The following SPECC1 variants were observed in gnomAD, a reference collection of about 807,000 sequenced individuals.
SPECC1 encodes sperm antigen with calponin homology and coiled-coil domains 1.
In SPECC1, 62 loss-of-function variants were observed where a neutral mutation model predicts 104.1. The ratio of observed to expected loss-of-function variants is 0.60; its 90% CI spans 0.49 to 0.74. SPECC1 has a LOEUF of 0.74. Ranked by LOEUF, SPECC1 falls within the 30% of genes least tolerant of loss-of-function variation. SPECC1 has a pLI of 0.00. For missense variants in SPECC1, 1,306 were observed against 1,310.5 expected (o/e 1.00, Z 0.05); for synonymous variants, 513 against 501.6 (o/e 1.02, Z -0.30).
At chr17:20,125,181 A>G (rs1250279268) in intron 3 of SPECC1, among the ~76,000 whole-genome samples, 2 of 114,942 alleles carry the variant, frequency 1.7e-5, no homozygotes, top group Non-Finnish European at 3.8e-5. Context: ...CTCCATCTCA[A>G]AAAACAAAAA....
intron 1 of SPECC1, among the ~76,000 whole-genome samples, chr17:20,046,999 C>T (rs1034090388): frequency 2.0e-5 from 3 of 152,226 alleles, no homozygotes; most frequent in Admixed American, 2.0e-4. Flanking sequence ...AAGGTGCTGA[C>T]TATTGCAGGA....
chr17:20,176,227 C>A (rs1024824797), intron 3 of SPECC1, among the ~76,000 whole-genome samples: 1 of 152,172 alleles, frequency 6.6e-6, no homozygotes, highest in African/African-American at 2.4e-5. Context: ...TTAATAAGTT[C>A]TCAATGAATG....
chr17:20,020,260 G>C (rs1313394657), intron 1 of SPECC1, among the ~76,000 whole-genome samples: 1 of 152,188 alleles, frequency 6.6e-6, no homozygotes, highest in Non-Finnish European at 1.5e-5. Context: ...GGCTTAGATT[G>C]TCAAATCATC....
At chr17:20,244,271 C>T (rs1333219735) in intron 7 of SPECC1, among the ~76,000 whole-genome samples, 1 of 152,148 alleles carries the variant, frequency 6.6e-6, no homozygotes, top group Non-Finnish European at 1.5e-5. Context: ...TGATGACCTT[C>T]ATGAGAATGG....
intron 1 of SPECC1, among the ~76,000 whole-genome samples, chr17:20,078,670 AAAAC>A (rs1193942446): frequency 1.3e-5 from 2 of 152,232 alleles, no homozygotes; most frequent in African/African-American, 4.8e-5. Flanking sequence ...TTGTCTTAGA[AAAAC>A]ACTGTACATG....
At position 20,096,724 on chromosome 17, in the gene SPECC1, C is replaced by G. The variant is rs773646963; in HGVS notation, c.73C>G (p.Leu25Val). The G allele has an allele frequency of 1.2e-6, 2 of 1,614,254 alleles. No individual in the cohort carries two copies. Among genetic ancestry groups the G allele is most frequent in the South Asian group, 2.2e-5 (2 of 91,090 alleles). The change falls in exon 2 of 15, where the codon CTG becomes GTG. Residue 25 changes from leucine to valine, a missense_variant. Around this residue, in one of 2 missense-constraint regions of SPECC1, gnomAD observed 1,177 missense variants for 1,139.9 expected, o/e 1.03. Transcript: ENST00000395527. ...CCACGGCCCAGACCGGGTGCGGCCT[C>G]TGCCTGCAGCCTCTTCCGGCATGAA... is the stretch of plus-strand genomic sequence containing the variant. ...GGHGPDRVRP[L>V]PAASSGMKSS...
At chr17:20,278,976 A>C (rs1455617715) in intron 12 of SPECC1, among the ~76,000 whole-genome samples, 1 of 152,160 alleles carries the variant, frequency 6.6e-6, no homozygotes, top group African/African-American at 2.4e-5. Flanking sequence ...GTTTGTCCCC[A>C]GCTGAGGGCC....
chr17:20,256,599 C>T (rs2039838611), intron 10 of SPECC1, among the ~76,000 whole-genome samples: 2 of 152,186 alleles, frequency 1.3e-5, no homozygotes, highest in South Asian at 4.1e-4. Context: ...ATCCTGGTCC[C>T]TGGTCTGCTC....
At chr17:20,100,545 G>A (rs2047896945) in intron 2 of SPECC1, among the ~76,000 whole-genome samples, 1 of 152,130 alleles carries the variant, frequency 6.6e-6, no homozygotes, top group Non-Finnish European at 1.5e-5. Context: ...TATAGGAAAT[G>A]GATAGATAGG....
intron 3 of SPECC1, among the ~76,000 whole-genome samples, chr17:20,184,870 A>C (rs2035153919): frequency 6.6e-6 from 1 of 152,236 alleles, no homozygotes; most frequent in Admixed American, 6.5e-5. Context: ...ATTTTGAAGA[A>C]CATGGTGATG....
chr17:20,291,713 T>G (rs1487744675), intron 12 of SPECC1, among the ~76,000 whole-genome samples: 1 of 151,928 alleles, frequency 6.6e-6, no homozygotes. Flanking sequence ...CCCAGCTAAT[T>G]TTTGTATTTT....
rs372856679 is a variant in SPECC1 at position 20,313,981 on chromosome 17, C to G, written c.3123C>G (p.Leu1041=). The G allele has an allele frequency of 6.2e-6, 10 of 1,614,002 alleles. No individual in the cohort carries two copies. The highest frequency in any genetic ancestry group is 7.6e-6 in the Non-Finnish European group (9 of 1,180,004). ...ESVGIKPSLE[L]SEMLYTDRPD... The stretch of plus-strand genomic sequence containing the variant: ...CCCATTCCCTTCCCCTGCAGGAACT[C>G]AGCGAGATGCTGTACACAGACCGGC... Residue 1041 remains leucine (L), a synonymous_variant, in exon 15 of 15, where the codon CTC becomes CTG. Coordinates refer to ENST00000395527, the MANE Select transcript of SPECC1 (RefSeq NM_001243439.2).
intron 4 of SPECC1, among the ~76,000 whole-genome samples, chr17:20,219,947 T>C (rs1223156186): frequency 1.3e-5 from 2 of 152,148 alleles, no homozygotes; most frequent in African/African-American, 4.8e-5. Flanking sequence ...TTTTCCTCAA[T>C]ATATGTTCTT....
At chr17:20,057,324 C>A (rs1039748451) in intron 1 of SPECC1, among the ~76,000 whole-genome samples, 21 of 152,010 alleles carry the variant, frequency 1.4e-4, no homozygotes, top group African/African-American at 5.1e-4. Flanking sequence ...GCCTATAGTC[C>A]CAGCTACTCG....
At chr17:20,022,427 T>C (rs1038735213) in intron 1 of SPECC1, among the ~76,000 whole-genome samples, 1 of 152,222 alleles carries the variant, frequency 6.6e-6, no homozygotes, top group Admixed American at 6.5e-5. Context: ...GTTTCGACAG[T>C]GCACATAGTT....
chr17:20,107,693 T>C (rs1198855960), intron 2 of SPECC1, among the ~76,000 whole-genome samples: 2 of 151,948 alleles, frequency 1.3e-5, no homozygotes, highest in Admixed American at 1.3e-4. Flanking sequence ...ACCTGGCTAA[T>C]TTTTGTATTT....
chr17:20,144,051 C>A (rs1232796115), intron 3 of SPECC1, among the ~76,000 whole-genome samples: 1 of 152,130 alleles, frequency 6.6e-6, no homozygotes, highest in African/African-American at 2.4e-5. Context: ...ACTGAGAGTC[C>A]TCGCTTTGAG....
chr17:20,135,828 G>C (rs1364930279), intron 3 of SPECC1, among the ~76,000 whole-genome samples: 1 of 152,160 alleles, frequency 6.6e-6, no homozygotes, highest in African/African-American at 2.4e-5. Flanking sequence ...GATAAGACTT[G>C]CACGTAGTCA....
intron 12 of SPECC1, among the ~76,000 whole-genome samples, chr17:20,291,688 G>A: frequency 6.6e-6 from 1 of 152,016 alleles, no homozygotes; most frequent in East Asian, 1.9e-4. Flanking sequence ...GGAACTACAG[G>A]CATGTGCCAC....
Sources: gnomAD v4.1 joint callset for allele counts (sites outside exome capture counted in the v4.1 genomes callset) on GRCh38, gnomAD v4.1.1 for gene constraint, gnomAD v4.1.1 regional missense constraint, MANE v1.5 for transcripts, NCBI Gene and HGNC (gene_info 2026-07-23, HGNC 2026-07-21) for gene names.